TBL1X: variants seen among roughly 807,000 people sequenced by gnomAD.
The protein encoded by TBL1X is transducin beta like 1 X-linked.
In TBL1X, 10 loss-of-function variants were observed where a neutral mutation model predicts 50.7. The ratio of observed to expected loss-of-function variants is 0.20; its 90% CI spans 0.12 to 0.33. The LOEUF (loss-of-function observed/expected upper bound fraction) is 0.33. TBL1X is among the 10% of genes least tolerant of loss of function. TBL1X has a pLI of 1.00. For missense variants in TBL1X, 340 were observed against 504.4 expected (o/e 0.67, Z 3.12); for synonymous variants, 190 against 214.7 (o/e 0.88, Z 1.01).
Position 9,709,727 on chromosome X carries a change from C to G in TBL1X, c.1406C>G (p.Thr469Ser). The part of the protein sequence containing the change: ...TIKWSPTGPA[T>S]SNPNSNIMLA... ...AAGTGGAGCCCCACTGGGCCCGCCA[C>G]CAGCAACCCAAACTCCAACATCATG... The change falls in exon 15 of 18, where the codon ACC (threonine) becomes AGC (serine). Residue 469 changes from threonine to serine, a missense_variant. Physicochemically the swap from Thr to Ser is moderately conservative, Grantham distance 58 (BLOSUM62 1). Around this residue, in one of 6 missense-constraint regions of TBL1X, gnomAD observed 170 missense variants for 272.6 expected, o/e 0.62. Coordinates refer to ENST00000645353, the MANE Select transcript of TBL1X (RefSeq NM_005647.4). 6 of 1,209,859 alleles carry G rather than the reference C, an allele frequency of 5.0e-6. No homozygotes were observed. Among genetic ancestry groups the G allele is most frequent in the Non-Finnish European group, 6.7e-6 (6 of 894,420 alleles).
At chrX:9,517,254 G>A (rs2521368) in intron 2 of TBL1X, among the ~76,000 whole-genome samples, 40,628 of 109,595 alleles carry the variant, frequency 0.37, 6,587 homozygotes, top group Admixed American at 0.53. Flanking sequence ...GGAAATCCGA[G>A]TAGCCTGCCC....
chrX:9,569,949 A>G (rs2082376296), intron 2 of TBL1X, among the ~76,000 whole-genome samples: 1 of 112,179 alleles, frequency 8.9e-6, no homozygotes, highest in Non-Finnish European at 1.9e-5. Context: ...TGCCCCAGGA[A>G]GGCTATTTGG....
chrX:9,482,961 T>A (rs1476807215), intron 1 of TBL1X, among the ~76,000 whole-genome samples: 2 of 111,377 alleles, frequency 1.8e-5, no homozygotes, highest in East Asian at 5.6e-4. Context: ...AAAATGCCCA[T>A]GGTCTTTATG....
chrX:9,578,342 C>G (rs1351632019), intron 2 of TBL1X, among the ~76,000 whole-genome samples: 1 of 111,104 alleles, frequency 9.0e-6, no homozygotes, highest in Non-Finnish European at 1.9e-5. Flanking sequence ...CTCAAGCAGT[C>G]CCCCCACCTC....
chrX:9,677,220 C>G (rs750283673), intron 5 of TBL1X, among the ~76,000 whole-genome samples: 17 of 111,685 alleles, frequency 1.5e-4, no homozygotes, highest in African/African-American at 5.5e-4. Context: ...CTGGAGAAAC[C>G]TTTATGATCC....
intron 2 of TBL1X, among the ~76,000 whole-genome samples, chrX:9,562,749 C>T (rs898669680): frequency 3.8e-5 from 4 of 105,001 alleles, no homozygotes; most frequent in African/African-American, 1.1e-4. Flanking sequence ...GTCTGTTTTT[C>T]TTCAAAGCAG....
chrX:9,560,422 G>A (rs1217513479), intron 2 of TBL1X: 2 of 112,264 alleles, frequency 1.8e-5, no homozygotes, highest in Non-Finnish European at 3.8e-5. Flanking sequence ...ATCCCAGATA[G>A]AGTGACAGGA....
chrX:9,555,161 A>C (rs1019592505), intron 2 of TBL1X, among the ~76,000 whole-genome samples: 2 of 111,106 alleles, frequency 1.8e-5, no homozygotes, highest in Non-Finnish European at 3.8e-5. Flanking sequence ...GTGCAGCCTC[A>C]AACGTCTGGG....
chrX:9,584,037 G>A (rs2082455593), intron 2 of TBL1X, among the ~76,000 whole-genome samples: 1 of 112,411 alleles, frequency 8.9e-6, no homozygotes, highest in Non-Finnish European at 1.9e-5. Context: ...GATGAAAAGT[G>A]TAAGGTACCA....
At chrX:9,587,191 C>T (rs915649409) in intron 2 of TBL1X, among the ~76,000 whole-genome samples, 2 of 112,030 alleles carry the variant, frequency 1.8e-5, no homozygotes, top group East Asian at 2.8e-4. Flanking sequence ...TCCTTCTGGT[C>T]GGATGGCAGG....
intron 2 of TBL1X, among the ~76,000 whole-genome samples, chrX:9,584,242 AAAG>A (rs1193302790): frequency 8.9e-6 from 1 of 112,494 alleles, no homozygotes; most frequent in Non-Finnish European, 1.9e-5. Context: ...AAATATATGC[AAAG>A]AAGTACTCAC....
rs759450786 is a variant in TBL1X, at chrX:9,716,295, A to G, written c.*49A>G. On this transcript the variant is annotated 3_prime_UTR_variant, in exon 18 of 18. Transcript: ENST00000645353. ...AAAAGAATTCTAATGACCAGCCGTGAATGTGTAGGGTTGCAGCTCTATTCT... is the reference window on the plus strand; with the variant it reads ...AAAAGAATTCTAATGACCAGCCGTGGATGTGTAGGGTTGCAGCTCTATTCT... The G allele has an allele frequency of 1.0e-5, 12 of 1,162,979 alleles. No homozygotes were observed. Among genetic ancestry groups the G allele is most frequent in the Non-Finnish European group, 1.0e-5 (9 of 857,492 alleles).
At position 9,492,348 on chromosome X, in the gene TBL1X, G is replaced by A. The variant is rs147406790; in HGVS notation, c.-200-9432G>A. 3.8e-3 allele frequency among the ~76,000 whole-genome samples: 424 copies of A among 110,860 alleles called. 4 individuals are homozygous for A. Among genetic ancestry groups the A allele is most frequent in the African/African-American group, 0.013 (403 of 30,461 alleles). On this transcript the variant is annotated intron_variant, in intron 1 of 17. Transcript: ENST00000645353. Reference sequence around the variant, plus strand: ...AAGCAGATGACCTAAAAATTCACGCGTAGTAAAAGGGAAGATGAAAATAGA... The same window carrying A: ...AAGCAGATGACCTAAAAATTCACGCATAGTAAAAGGGAAGATGAAAATAGA...
Position 9,688,251 on chromosome X carries a change from G to C in TBL1X, c.592G>C (p.Glu198Gln). 8.4e-7 allele frequency: 1 copy of C among 1,193,503 alleles called. No homozygotes were observed. The highest frequency in any genetic ancestry group is 1.1e-6 in the Non-Finnish European group (1 of 885,443). Residue 198 changes from glutamate (E) to glutamine (Q), a missense_variant, in exon 7 of 18, where the codon GAA becomes CAA. By Grantham distance (29) the Glu-to-Gln change is conservative. Coordinates refer to ENST00000645353, the MANE Select transcript of TBL1X (RefSeq NM_005647.4). ...GAACAGAGAGGCCACGGTGAATGGGGAAGAGAACAGAGCACATTCAGTCAG... is the reference window on the plus strand; with the variant it reads ...GAACAGAGAGGCCACGGTGAATGGGCAAGAGAACAGAGCACATTCAGTCAG... ...SKNREATVNG[E>Q]ENRAHSVNNH... is the part of the protein sequence containing the mutation.
At chrX:9,697,508 A>G in intron 12 of TBL1X, 79 bp downstream of exon 12, 3 of 1,174,592 alleles carry the variant, frequency 2.6e-6, no homozygotes, top group Non-Finnish European at 2.3e-6. Context: ...CCAGTGGCTT[A>G]CGCCTGTAAT....
At chrX:9,618,725 A>G (rs1004851119) in intron 2 of TBL1X, among the ~76,000 whole-genome samples, 1 of 112,520 alleles carries the variant, frequency 8.9e-6, no homozygotes, top group African/African-American at 3.2e-5. Context: ...AGTATTTTGT[A>G]TGCTGTTGAA....
chrX:9,527,676 A>G, intron 2 of TBL1X, among the ~76,000 whole-genome samples: 1 of 111,682 alleles, frequency 9.0e-6, no homozygotes, highest in East Asian at 2.8e-4. Context: ...TCTGGGTGTT[A>G]TATGGCAAAA....
chrX:9,485,931 G>A (rs547906777), intron 1 of TBL1X, among the ~76,000 whole-genome samples: 24 of 110,937 alleles, frequency 2.2e-4, no homozygotes, highest in Middle Eastern at 9.3e-3. Context: ...TTAAGTTTGG[G>A]GAAAGGTAAT....
In TBL1X at chrX:9,506,263, G is replaced by C. The variant is rs148199953; in HGVS notation, c.-131+4414G>C. ...TTTCTTTGAAACCAATGAGAACAAAGAGATAATGTACCAGAATTTCTGGGA... is the reference window on the plus strand; with the variant it reads ...TTTCTTTGAAACCAATGAGAACAAACAGATAATGTACCAGAATTTCTGGGA... On this transcript the variant is annotated intron_variant, in intron 2 of 17. Coordinates refer to ENST00000645353, the MANE Select transcript of TBL1X (RefSeq NM_005647.4). Among the ~76,000 whole-genome samples the C allele has an allele frequency of 5.9e-3, 662 of 111,638 alleles. 3 individuals are homozygous for C. The highest frequency in any genetic ancestry group is 0.02 in the African/African-American group (619 of 30,727).
Sources: allele counts gnomAD v4.1 joint callset (sites outside exome capture counted in the v4.1 genomes callset), GRCh38; gene constraint gnomAD v4.1.1; regional missense constraint gnomAD v4.1.1; transcripts MANE v1.5; gene names NCBI Gene and HGNC (gene_info 2026-07-23, HGNC 2026-07-21).